KLRG1: variants seen among roughly 807,000 people sequenced by gnomAD.
The protein encoded by KLRG1 is killer cell lectin-like receptor subfamily G member 1.
KLRG1 carries 16 observed loss-of-function variants against 21.8 expected under a neutral mutation model. That is an observed-to-expected ratio of 0.73 (90% CI 0.50 to 1.11). The LOEUF is 1.11. KLRG1 is among the 50% of genes most tolerant of loss of function. The probability of loss-of-function intolerance (pLI) is 0.00; values close to 1 mark genes in which losing one functional copy is unlikely to be tolerated. For missense variants in KLRG1, 173 were observed against 218.3 expected (o/e 0.79, Z 1.31); for synonymous variants, 69 against 75.9 (o/e 0.91, Z 0.47).
the KLRG1 span, among the ~76,000 whole-genome samples, chr12:9,016,599 CCTA>C: frequency 6.6e-6 from 1 of 152,116 alleles, no homozygotes; most frequent in Non-Finnish European, 1.5e-5. Flanking sequence ...TAATACCAAT[CCTA>C]CTCAAATTAT....
chr12:9,160,708 A>C, the KLRG1 span, among the ~76,000 whole-genome samples: 1 of 151,964 alleles, frequency 6.6e-6, no homozygotes, highest in Non-Finnish European at 1.5e-5. Flanking sequence ...AGGTCAGGAT[A>C]TCGAGACCAT....
chr12:9,002,996 C>T (rs896017748), intron 3 of KLRG1, among the ~76,000 whole-genome samples: 1 of 151,244 alleles, frequency 6.6e-6, no homozygotes, highest in Non-Finnish European at 1.5e-5. Context: ...GTTTTGAAGG[C>T]CTCTTCCAAG....
chr12:9,023,164 T>C, the KLRG1 span, among the ~76,000 whole-genome samples: 1 of 152,138 alleles, frequency 6.6e-6, no homozygotes, highest in African/African-American at 2.4e-5. Flanking sequence ...GCATTGGAAG[T>C]GGGAGACAGT....
At chr12:9,173,670 C>A in the KLRG1 span, among the ~76,000 whole-genome samples, 1 of 152,128 alleles carries the variant, frequency 6.6e-6, no homozygotes, top group African/African-American at 2.4e-5. Flanking sequence ...CACAGAAACG[C>A]AAACAACCAT....
chr12:9,140,490 G>A, the KLRG1 span, among the ~76,000 whole-genome samples: 2 of 152,174 alleles, frequency 1.3e-5, no homozygotes, highest in Non-Finnish European at 2.9e-5. Context: ...GCCAGTAACC[G>A]TTATTAAAAA....
the KLRG1 span, chr12:9,090,239 G>A: frequency 1.3e-5 from 19 of 1,518,180 alleles, no homozygotes; most frequent in East Asian, 4.1e-4. Context: ...AAAGGCAAAG[G>A]AAAAAAATCG....
chr12:9,208,157 T>C, the KLRG1 span: 4 of 795,608 alleles, frequency 5.0e-6, no homozygotes, highest in South Asian at 5.9e-5. Flanking sequence ...TGGAAGGTAT[T>C]GTAATGAGTG....
chr12:8,952,742 T>G (rs752485831), intron 1 of KLRG1, among the ~76,000 whole-genome samples: 2 of 152,296 alleles, frequency 1.3e-5, no homozygotes, highest in South Asian at 4.1e-4. Context: ...AAGGACATCC[T>G]CTCATCAAAA....
At chr12:8,981,483 G>A (rs4882974) in intron 1 of KLRG1, among the ~76,000 whole-genome samples, 13,404 of 151,228 alleles carry the variant, frequency 0.089, 1,044 homozygotes, top group African/African-American at 0.21. Context: ...ATATTTTAAC[G>A]TTTAAAATTA....
the KLRG1 span, chr12:9,077,795 G>T: frequency 6.2e-7 from 1 of 1,614,174 alleles, no homozygotes; most frequent in Non-Finnish European, 8.5e-7. Context: ...GGTAATGTGT[G>T]CTTCATCGAT....
At chr12:9,079,247 G>A in the KLRG1 span, 2 of 1,613,230 alleles carry the variant, frequency 1.2e-6, no homozygotes, top group Admixed American at 1.7e-5. Context: ...TCCTTACCAG[G>A]TGTTGCCCTG....
chr12:8,951,102 C>A (rs1946194272), intron 1 of KLRG1, among the ~76,000 whole-genome samples: 1 of 151,960 alleles, frequency 6.6e-6, no homozygotes, highest in Non-Finnish European at 1.5e-5. Flanking sequence ...ACACAGAAAA[C>A]AACAAAACAA....
the KLRG1 span, chr12:9,192,119 T>C: frequency 1.5e-6 from 2 of 1,296,690 alleles, no homozygotes; most frequent in Non-Finnish European, 2.2e-6. Flanking sequence ...CGATTTCCCA[T>C]TTATGAACTG....
the KLRG1 span, chr12:9,115,687 A>G: frequency 3.5e-5 from 38 of 1,092,068 alleles, no homozygotes; most frequent in African/African-American, 5.5e-4. Flanking sequence ...GGAAAGAAAA[A>G]GGAATGATAT....
chr12:8,992,018 A>T, intron 1 of KLRG1, 188 bp from the exon 2 acceptor site: 1 of 503,888 alleles, frequency 2.0e-6, no homozygotes, highest in Non-Finnish European at 3.5e-6. Flanking sequence ...GTTCTTTGAT[A>T]CAGGTGTTGG....
intron 1 of KLRG1, among the ~76,000 whole-genome samples, chr12:8,963,617 C>T (rs931611472): frequency 6.6e-6 from 1 of 152,170 alleles, no homozygotes; most frequent in African/African-American, 2.4e-5. Flanking sequence ...TGGTACCCAG[C>T]TCCTCTTTGT....
the KLRG1 span, among the ~76,000 whole-genome samples, chr12:9,022,969 A>T: frequency 6.6e-6 from 1 of 152,230 alleles, no homozygotes; most frequent in African/African-American, 2.4e-5. Context: ...TACCCCATGC[A>T]TCTCTTCCAT....
chr12:9,008,045 G>T (rs1426267609), intron 3 of KLRG1, among the ~76,000 whole-genome samples: 2 of 152,038 alleles, frequency 1.3e-5, no homozygotes, highest in African/African-American at 4.8e-5. Flanking sequence ...GTTCTGTTGG[G>T]TAACGTGGCA....
At chr12:9,192,279 G>C in the KLRG1 span, 2 of 1,609,248 alleles carry the variant, frequency 1.2e-6, no homozygotes, top group African/African-American at 2.7e-5. Flanking sequence ...AACAGTGAAG[G>C]AAATTTCTTG....
Sources: gnomAD v4.1 joint callset for allele counts (sites outside exome capture counted in the v4.1 genomes callset) on GRCh38, gnomAD v4.1.1 for gene constraint, MANE v1.5 for transcripts, NCBI Gene and HGNC (gene_info 2026-07-23, HGNC 2026-07-21) for gene names.